RUSC1: variants seen among roughly 807,000 people sequenced by gnomAD.
The protein encoded by RUSC1 is AP-4 complex accessory subunit RUSC1.
RUSC1 carries 40 observed loss-of-function variants against 72.1 expected under a neutral mutation model. The observed-to-expected ratio is 0.55, with a 90% CI of 0.43 to 0.72. RUSC1 has a LOEUF of 0.72. Among genes scored for constraint, RUSC1 ranks in the 30% least tolerant of loss-of-function variants. The pLI, the probability that RUSC1 is intolerant of heterozygous loss-of-function variation, is 0.00. For missense variants in RUSC1, 1,092 were observed against 1,172.3 expected, an observed-to-expected ratio of 0.93 and a Z score of 1.00; for synonymous variants, 512 against 494.2, an observed-to-expected ratio of 1.04 and a Z score of -0.48.
At position 155,326,808 on chromosome 1, in the gene RUSC1, A is replaced by G. The variant is rs1295330648; in HGVS notation, c.2090A>G (p.His697Arg). Reference protein sequence around the residue: ...ALQQTMQAMLHFGGRLAQSLR... With the variant: ...ALQQTMQAMLRFGGRLAQSLR... ...CAGCAGACTATGCAAGCCATGCTGC[A>G]CTTTGGGGGCCGGCTGGCCCAGAGC... The change falls in exon 8 of 10, where the codon CAC (histidine) becomes CGC (arginine). Residue 697 changes from histidine to arginine, a missense_variant. His to Arg is a conservative substitution (Grantham distance 29, BLOSUM62 0). Transcript: ENST00000368352. This position sits in a 1 kb window ranked among gnomAD's most constrained non-coding sequence, Gnocchi z 4.7. 3 of 1,613,284 alleles carry G rather than the reference A, an allele frequency of 1.9e-6. No homozygotes were observed. The highest frequency in any genetic ancestry group is 1.3e-5 in the African/African-American group (1 of 74,944).
chr1:155,327,411 C>T (rs555552750), intron 8 of RUSC1, among the ~76,000 whole-genome samples: 1 of 152,076 alleles, frequency 6.6e-6, no homozygotes, highest in Non-Finnish European at 1.5e-5. Flanking sequence ...ATCTGACATA[C>T]TCAAATCCTA....
chr1:155,326,304 TG>T lies in RUSC1; in HGVS notation c.1862-275del, dbSNP rs1293031416. 1.8e-6 allele frequency: 1 copy of T among 555,638 alleles called. No individual in the cohort carries two copies. The highest frequency in any genetic ancestry group is 1.9e-5 in the African/African-American group (1 of 53,196). 34.4% of individuals were successfully genotyped at this position (555,638 alleles called of 1,614,324 possible). On this transcript the variant is annotated intron_variant, in intron 7 of 9. Coordinates refer to ENST00000368352, the MANE Select transcript of RUSC1 (RefSeq NM_001105203.2). The surrounding 1 kb of genome is among the most constrained non-coding windows in gnomAD (Gnocchi z 4.7). Reference sequence around the variant, plus strand: ...CTAGGCCAACCCCCACGCCTCATTTTGTATGTGCTTCTATGGCTCTCCTGTC... The same window carrying T: ...CTAGGCCAACCCCCACGCCTCATTTTTATGTGCTTCTATGGCTCTCCTGTC...
intron 2 of RUSC1, 91 bp downstream of exon 2, chr1:155,323,221 C>T (rs11589917): frequency 2.3e-6 from 3 of 1,315,282 alleles, no homozygotes; most frequent in African/African-American, 1.6e-5. Flanking sequence ...TCCCTCCATT[C>T]TGTGTCACCC....
intron 9 of RUSC1, among the ~76,000 whole-genome samples, chr1:155,329,156 G>A (rs1651746258): frequency 6.6e-6 from 1 of 151,962 alleles, no homozygotes; most frequent in East Asian, 1.9e-4. Flanking sequence ...GCATGATTTC[G>A]GCTCACTGCA....
chr1:155,325,586 T>C lies in RUSC1; in HGVS notation c.1728T>C (p.Leu576=). 6.2e-7 allele frequency: 1 copy of C among 1,611,400 alleles called. No homozygotes were observed. The highest frequency in any genetic ancestry group is 8.5e-7 in the Non-Finnish European group (1 of 1,179,954). The change falls in exon 6 of 10, where the codon CTT becomes CTC. Residue 576 remains leucine (L), a synonymous_variant. Transcript: ENST00000368352. This position sits in a 1 kb window ranked among gnomAD's most constrained non-coding sequence, Gnocchi z 6.5. ...SVKPGSSTRS[L]GTLYSQVSRL... ...TCTCAGGCTCCAGCACCCGCTCCCT[T>C]GGAACCCTGTATAGCCAGGTCAGCC...
Position 155,324,842 on chromosome 1 carries a change from C to T in RUSC1, c.1358-3C>T, listed in dbSNP as rs1651122738. On this transcript the variant is annotated splice_region_variant and splice_polypyrimidine_tract_variant and intron_variant, in intron 2 of 9. Transcript: ENST00000368352. ...TTACCGCGCCCTTCTTCCCTTACGC[C>T]AGTCCGTAGTTCGTGGTCCTTCGCC... 6.2e-7 allele frequency: 1 copy of T among 1,614,234 alleles called. No individual in the cohort carries two copies.
rs769690051 is a variant in RUSC1 at position 155,330,416 on chromosome 1, C to G, written c.2554C>G (p.Leu852Val). ...GGCTCCCCTCAGGGCAGTGCGGGCT[C>G]TCTGTGATCACACTGCTGCAAGACC... is the stretch of plus-strand genomic sequence containing the variant. ...MVQTHRAVRA[L>V]CDHTAARPDQ... Residue 852 changes from leucine to valine, a missense_variant, in exon 10 of 10, where the codon CTC becomes GTC. Leu to Val is a conservative substitution (Grantham distance 32). Coordinates refer to ENST00000368352, the MANE Select transcript of RUSC1 (RefSeq NM_001105203.2). The G allele has an allele frequency of 6.2e-6, 10 of 1,612,784 alleles. No homozygotes were observed. Among genetic ancestry groups the G allele is most frequent in the Non-Finnish European group, 5.9e-6 (7 of 1,180,026 alleles).
chr1:155,324,359 C>T (rs753006020), intron 2 of RUSC1: 1 of 1,607,314 alleles, frequency 6.2e-7, no homozygotes, highest in Non-Finnish European at 8.5e-7. Context: ...GCCTCCCAAT[C>T]CTCGGGTCTC....
In RUSC1 at chr1:155,322,227, C is replaced by T. The variant is rs777960725; in HGVS notation, c.454C>T (p.Pro152Ser). 1.8e-5 allele frequency: 29 copies of T among 1,612,662 alleles called. No homozygotes were observed. The Admixed American group carries it at 2.0e-4, about 11-fold the overall frequency. The change falls in exon 2 of 10, where the codon CCT becomes TCT. Residue 152 changes from proline to serine, a missense_variant. Physicochemically the swap from Pro to Ser is moderately conservative, Grantham distance 74. Transcript: ENST00000368352. The stretch of plus-strand genomic sequence containing the variant: ...GGGCTCCCCACTGGCTTCAGCAGGC[C>T]CTGGCACCTGCTCACCGGACAGCTT... ...EQGSPLASAG[P>S]GTCSPDSFCC...
rs771776940 is a variant in RUSC1 at position 155,322,740 on chromosome 1, C to G, written c.967C>G (p.Arg323Gly). ...ITSFHELAQK[R>G]KRGPGLPLVP... is the part of the protein sequence containing the mutation. Reference sequence around the variant, plus strand: ...GTCCTTCCACGAGCTGGCCCAGAAGCGCAAGCGGGGCCCAGGGCTGCCCCT... The same window carrying G: ...GTCCTTCCACGAGCTGGCCCAGAAGGGCAAGCGGGGCCCAGGGCTGCCCCT... Residue 323 changes from arginine (R) to glycine (G), a missense_variant, in exon 2 of 10, where the codon CGC becomes GGC. Coordinates refer to ENST00000368352, the MANE Select transcript of RUSC1 (RefSeq NM_001105203.2). 5.0e-6 allele frequency: 8 copies of G among 1,614,168 alleles called. No homozygotes were observed. The East Asian group carries it at 6.7e-5, about 13-fold the overall frequency.
Position 155,320,939 on chromosome 1 carries a change from A to AG in RUSC1, c.-139_-138insG, listed in dbSNP as rs765618930. On this transcript the variant is annotated 5_prime_UTR_variant, in exon 1 of 10. Coordinates refer to ENST00000368352, the MANE Select transcript of RUSC1 (RefSeq NM_001105203.2). ...CCGCTCTGTGCCCCGCCGGGCGGGG[A>AG]CCGTGGGAGCCGCGGACAAGCCCAA... 7.6e-6 allele frequency: 12 copies of AG among 1,570,190 alleles called. No individual in the cohort carries two copies. In the Admixed American group the frequency reaches 2.2e-4, roughly 29 times the overall value.
At position 155,326,488 on chromosome 1, in the gene RUSC1, TG is replaced by T; in HGVS notation, c.1862-89del. ...CCCCAGTGCCCAGCAGAGTGAGGCC[TG>T]GGAAGATGTGTGCTGACTGGTGGGC... On this transcript the variant is annotated intron_variant, in intron 7 of 9. Transcript: ENST00000368352. The surrounding 1 kb of genome is among the most constrained non-coding windows in gnomAD (Gnocchi z 4.7). 7.6e-7 allele frequency: 1 copy of T among 1,307,992 alleles called. No individual in the cohort carries two copies. Among genetic ancestry groups the T allele is most frequent in the Non-Finnish European group, 1.1e-6 (1 of 947,204 alleles). 81.0% of individuals were successfully genotyped at this position (1,307,992 alleles called of 1,614,324 possible).
chr1:155,325,279 G>T lies in RUSC1; in HGVS notation c.1534-37G>T. 1 of 1,606,626 alleles carries T rather than the reference G, an allele frequency of 6.2e-7. No individual in the cohort carries two copies. The highest frequency in any genetic ancestry group is 8.5e-7 in the Non-Finnish European group (1 of 1,179,720). ...GGGAGGTGGCTGGGAGGTGTCTGGA[G>T]GGATCTCTGGAGCCATCGGCATCGC... is the stretch of plus-strand genomic sequence containing the variant. On this transcript the variant is annotated intron_variant, in intron 4 of 9. Transcript: ENST00000368352. This position sits in a 1 kb window ranked among gnomAD's most constrained non-coding sequence, Gnocchi z 6.5.
chr1:155,323,164 GC>G, intron 2 of RUSC1, 34 bp downstream of exon 2: 1 of 1,399,808 alleles, frequency 7.1e-7, no homozygotes, highest in South Asian at 1.6e-5. Context: ...GGAGGGCTGG[GC>G]TTCGGCCGCT....
chr1:155,326,507 T>A lies in RUSC1; in HGVS notation c.1862-73T>A. On this transcript the variant is annotated intron_variant, in intron 7 of 9. Transcript: ENST00000368352. The surrounding 1 kb of genome is among the most constrained non-coding windows in gnomAD (Gnocchi z 4.7). ...GAGGCCTGGGAAGATGTGTGCTGAC[T>A]GGTGGGCTGCTCTGGGGGGTCTTCT... 2.1e-6 allele frequency: 3 copies of A among 1,449,550 alleles called. No individual in the cohort carries two copies. The highest frequency in any genetic ancestry group is 2.8e-6 in the Non-Finnish European group (3 of 1,062,278). The allele number at this position is 1,449,550 out of a possible 1,614,324, so 89.8% of individuals were successfully genotyped here. A position where few individuals can be genotyped will look rare whatever the true frequency, so the allele number is the denominator to read the frequency against.
intron 8 of RUSC1, among the ~76,000 whole-genome samples, chr1:155,327,888 C>T (rs1016939395): frequency 6.6e-6 from 1 of 152,206 alleles, no homozygotes; most frequent in African/African-American, 2.4e-5. Flanking sequence ...CTCTAGTGGC[C>T]ATTTCATTCT....
At position 155,326,719 on chromosome 1, in the gene RUSC1, C is replaced by G; in HGVS notation, c.2001C>G (p.His667Gln). ...LTFHLDLLFE[H>Q]HHHLPLGPPQ... ...TCCACCTGGACCTGCTCTTTGAGCACCACCACCACCTGCCCCTGGGCCCAC... is the reference window on the plus strand; with the variant it reads ...TCCACCTGGACCTGCTCTTTGAGCAGCACCACCACCTGCCCCTGGGCCCAC... Residue 667 changes from histidine to glutamine, a missense_variant, in exon 8 of 10, where the codon CAC (histidine) becomes CAG (glutamine). Coordinates refer to ENST00000368352, the MANE Select transcript of RUSC1 (RefSeq NM_001105203.2). This position sits in a 1 kb window ranked among gnomAD's most constrained non-coding sequence, Gnocchi z 4.7. 1 of 1,613,212 alleles carries G rather than the reference C, an allele frequency of 6.2e-7. No individual in the cohort carries two copies. Among genetic ancestry groups the G allele is most frequent in the African/African-American group, 1.3e-5 (1 of 75,070 alleles).
chr1:155,324,301 C>T, intron 2 of RUSC1: 1 of 1,564,350 alleles, frequency 6.4e-7, no homozygotes, highest in Non-Finnish European at 8.6e-7. Context: ...GCACCCTCCG[C>T]CAAGAGGCTG....
chr1:155,328,077 C>A, intron 8 of RUSC1, 73 bp from the exon 9 acceptor site: 1 of 1,544,736 alleles, frequency 6.5e-7, no homozygotes, highest in Non-Finnish European at 8.7e-7. Context: ...TAGCCTCTCC[C>A]TCCCTCCAAA....
Sources: allele counts gnomAD v4.1 joint callset (sites outside exome capture counted in the v4.1 genomes callset), GRCh38; gene constraint gnomAD v4.1.1; non-coding constraint Gnocchi (gnomAD v3.1); transcripts MANE v1.5; gene names NCBI Gene and HGNC (gene_info 2026-07-23, HGNC 2026-07-21).